Variants in MMP26 observed in about 807,000 individuals in gnomAD.
MMP26 encodes the protein matrix metalloproteinase-26.
A neutral mutation model predicts 31.0 loss-of-function variants in MMP26; 33 were observed. The ratio of observed to expected loss-of-function variants is 1.06; its 90% CI spans 0.81 to 1.42. The LOEUF is 1.42. MMP26 is among the 40% of genes most tolerant of loss of function. The pLI, the probability that MMP26 is intolerant of heterozygous loss-of-function variation, is 0.00. For missense variants in MMP26, 347 were observed against 316.1 expected (o/e 1.10, Z -0.74); for synonymous variants, 122 against 114.9 (o/e 1.06, Z -0.40).
chr11:4,902,074 A>G (rs1005492941), intron 2 of MMP26, among the ~76,000 whole-genome samples: 9 of 152,198 alleles, frequency 5.9e-5, no homozygotes, highest in African/African-American at 9.6e-5. Context: ...GTAGTCCTCC[A>G]TGACCCTTTT....
At chr11:4,738,286 A>C (rs1848267998) in intron 1 of MMP26, among the ~76,000 whole-genome samples, 3 of 152,300 alleles carry the variant, frequency 2.0e-5, no homozygotes, top group African/African-American at 7.2e-5. Context: ...TGAAGACAGG[A>C]GAGCCGGGCA....
chr11:4,796,156 A>C (rs1849106151), intron 2 of MMP26, among the ~76,000 whole-genome samples: 1 of 152,196 alleles, frequency 6.6e-6, no homozygotes, highest in African/African-American at 2.4e-5. Context: ...GTTGCTCTAC[A>C]GCATCGCTTG....
At chr11:4,893,570 C>T (rs944984543) in intron 2 of MMP26, among the ~76,000 whole-genome samples, 4 of 152,136 alleles carry the variant, frequency 2.6e-5, no homozygotes, top group Non-Finnish European at 4.4e-5. Flanking sequence ...ATACTCTTTC[C>T]TTTTGTTCCG....
intron 2 of MMP26, among the ~76,000 whole-genome samples, chr11:4,818,882 A>G (rs1249844617): frequency 2.6e-5 from 4 of 152,324 alleles, no homozygotes; most frequent in East Asian, 3.9e-4. Context: ...GACTAATTCA[A>G]TAGTCCAGGT....
intron 2 of MMP26, among the ~76,000 whole-genome samples, chr11:4,816,848 C>T (rs998249936): frequency 1.3e-5 from 2 of 148,384 alleles, no homozygotes; most frequent in Non-Finnish European, 3.0e-5. Context: ...GGACTACAGG[C>T]GCCCGCCACC....
intron 2 of MMP26, among the ~76,000 whole-genome samples, chr11:4,917,216 C>G (rs1276519398): frequency 1.3e-5 from 2 of 152,054 alleles, no homozygotes; most frequent in African/African-American, 2.4e-5. Context: ...CAGGTTTTAT[C>G]TCCTTAAAAA....
At chr11:4,734,418 C>T (rs182208418) in intron 1 of MMP26, among the ~76,000 whole-genome samples, 67 of 152,046 alleles carry the variant, frequency 4.4e-4, no homozygotes, top group Non-Finnish European at 4.4e-5. Flanking sequence ...TTTATTCCTT[C>T]TGCTTGATTT....
In MMP26 at chr11:4,955,751, A is replaced by C. The variant is rs775534989; in HGVS notation, c.-144-32317A>C. 4.5e-6 allele frequency: 7 copies of C among 1,566,084 alleles called. No homozygotes were observed. In the East Asian group the frequency reaches 1.4e-4, roughly 30 times the overall value. ...GGGCTCTGCTATGAAAAATACAGAT[A>C]CACCTGACCTCAGGTGATCCGCTTG... On this transcript the variant is annotated intron_variant, in intron 2 of 7. Coordinates refer to ENST00000380390, the MANE Select transcript of MMP26 (RefSeq NM_021801.5).
At chr11:4,782,853 G>T (rs925449481) in intron 2 of MMP26, among the ~76,000 whole-genome samples, 1 of 152,204 alleles carries the variant, frequency 6.6e-6, no homozygotes, top group Non-Finnish European at 1.5e-5. Flanking sequence ...AGGGTGCAAG[G>T]CTCAAGTCTT....
chr11:4,720,681 G>T (rs1847998977), intron 1 of MMP26, among the ~76,000 whole-genome samples: 2 of 152,180 alleles, frequency 1.3e-5, no homozygotes, highest in African/African-American at 4.8e-5. Flanking sequence ...GTTCCCCCAA[G>T]AGCTTATATT....
intron 2 of MMP26, chr11:4,787,267 A>G (rs1848960462): frequency 6.6e-6 from 1 of 152,302 alleles, no homozygotes; most frequent in African/African-American, 2.4e-5. Flanking sequence ...GTCATTTTGC[A>G]AAGTCAATGT....
At chr11:4,738,543 G>A (rs1169510218) in intron 1 of MMP26, among the ~76,000 whole-genome samples, 1 of 152,160 alleles carries the variant, frequency 6.6e-6, no homozygotes, top group Non-Finnish European at 1.5e-5. Context: ...GATTTTATGA[G>A]CAGTTCTTGT....
At chr11:4,901,210 G>A (rs577816243) in intron 2 of MMP26, among the ~76,000 whole-genome samples, 2 of 139,570 alleles carry the variant, frequency 1.4e-5, no homozygotes, top group South Asian at 2.3e-4. Context: ...CCAGTCTGGA[G>A]TGCAGTGGCG....
chr11:4,792,941 T>C (rs999436603), intron 2 of MMP26, among the ~76,000 whole-genome samples: 1 of 152,202 alleles, frequency 6.6e-6, no homozygotes, highest in Non-Finnish European at 1.5e-5. Flanking sequence ...AAAATGAGCA[T>C]ATTCTCTTAC....
chr11:4,908,275 C>A lies in MMP26; in HGVS notation c.-144-79793C>A, dbSNP rs748494705. On this transcript the variant is annotated intron_variant, in intron 2 of 7. Coordinates refer to ENST00000380390, the MANE Select transcript of MMP26 (RefSeq NM_021801.5). ...AGACTCGACAAATCTGGGAGAAGAT[C>A]TTGGGGAAGTTGCTTAATGTATGTG... is the stretch of plus-strand genomic sequence containing the variant. The A allele has an allele frequency of 5.6e-6, 9 of 1,613,908 alleles. No homozygotes were observed. In the Admixed American group the frequency reaches 1.5e-4, roughly 27 times the overall value.
intron 2 of MMP26, among the ~76,000 whole-genome samples, chr11:4,861,490 TG>T (rs1850158787): frequency 6.6e-6 from 1 of 151,636 alleles, no homozygotes; most frequent in Non-Finnish European, 1.5e-5. Context: ...TATGTATATA[TG>T]TATATATATA....
At chr11:4,892,214 G>A (rs1425601710) in intron 2 of MMP26, among the ~76,000 whole-genome samples, 1 of 152,036 alleles carries the variant, frequency 6.6e-6, no homozygotes, top group Non-Finnish European at 1.5e-5. Context: ...CTTCCAAAAA[G>A]GATAAAGCAG....
At chr11:4,895,819 A>C (rs1355169992) in intron 2 of MMP26, among the ~76,000 whole-genome samples, 10 of 152,162 alleles carry the variant, frequency 6.6e-5, no homozygotes, top group Non-Finnish European at 1.2e-4. Context: ...AGTCCTAGCT[A>C]CTCAGGAGGG....
At chr11:4,909,696 T>C (rs1850960228) in intron 2 of MMP26, among the ~76,000 whole-genome samples, 1 of 152,188 alleles carries the variant, frequency 6.6e-6, no homozygotes, top group Non-Finnish European at 1.5e-5. Flanking sequence ...TTAGTTCACA[T>C]TTAAAACTTC....
Sources: gnomAD v4.1 joint callset for allele counts (sites outside exome capture counted in the v4.1 genomes callset) on GRCh38, gnomAD v4.1.1 for gene constraint, MANE v1.5 for transcripts, NCBI Gene and HGNC (gene_info 2026-07-23, HGNC 2026-07-21) for gene names.